Variants in SLC44A5 observed in about 807,000 individuals in gnomAD.
SLC44A5 encodes the protein choline transporter-like protein 5.
In SLC44A5, 57 loss-of-function variants were observed where a neutral mutation model predicts 101.8. The observed-to-expected ratio is 0.56, with a 90% confidence interval of 0.45 to 0.70. SLC44A5 has a LOEUF of 0.70. Ranked by LOEUF, SLC44A5 falls within the 30% of genes least tolerant of loss-of-function variation. The probability of loss-of-function intolerance (pLI) is 0.00; values close to 1 mark genes in which losing one functional copy is unlikely to be tolerated. For missense variants in SLC44A5, 737 were observed against 853.1 expected (o/e 0.86, Z 1.70); for synonymous variants, 281 against 290.9 (o/e 0.97, Z 0.35).
At chr1:75,510,941 G>T (rs1304894257) in intron 2 of SLC44A5, among the ~76,000 whole-genome samples, 1 of 152,180 alleles carries the variant, frequency 6.6e-6, no homozygotes, top group Non-Finnish European at 1.5e-5. Context: ...AGGAGATCGA[G>T]ACCATCCTGG....
rs1204998592 is a variant in SLC44A5, at chr1:75,302,104, G to GTTTTTTTT, written c.102-1420_102-1419insAAAAAAAA. On this transcript the variant is annotated intron_variant, in intron 4 of 23. Coordinates refer to ENST00000370859, the MANE Select transcript of SLC44A5 (RefSeq NM_001130058.2). ...ACAAGAGAAGAAAGCAGGTGCTCTA[G>GTTTTTTTT]TTTTTTTGTTTTTTTTTTTTTTTTT... Among the ~76,000 whole-genome samples, 90 of 49,594 alleles carry GTTTTTTTT rather than the reference G, an allele frequency of 1.8e-3. 10 individuals carry two copies. The highest frequency in any genetic ancestry group is 2.6e-3 in the Admixed American group (9 of 3,460). The allele number at this position is 49,594 out of a possible 152,430, so 32.5% of individuals were successfully genotyped here.
chr1:75,534,749 G>A lies in SLC44A5; in HGVS notation c.13+6686C>T, dbSNP rs211752. Reference sequence around the variant, plus strand: ...ATCAACTTTTTAAAGGTGACTTTTCGTTTATTAATGGCAAAGCATTTTAAG... The same window carrying A: ...ATCAACTTTTTAAAGGTGACTTTTCATTTATTAATGGCAAAGCATTTTAAG... On this transcript the variant is annotated intron_variant, in intron 2 of 23. Coordinates refer to ENST00000370859, the MANE Select transcript of SLC44A5 (RefSeq NM_001130058.2). Among the ~76,000 whole-genome samples the A allele has an allele frequency of 7.2e-5, 11 of 152,174 alleles. No individual in the cohort carries two copies. The East Asian group carries it at 1.2e-3, about 16-fold the overall frequency.
At chr1:75,279,947 T>C (rs1190234087) in intron 5 of SLC44A5, among the ~76,000 whole-genome samples, 2 of 151,506 alleles carry the variant, frequency 1.3e-5, no homozygotes, top group Non-Finnish European at 2.9e-5. Flanking sequence ...GTATCATTTG[T>C]ATGCTTTTGC....
At chr1:75,620,530 C>T in the SLC44A5 span, among the ~76,000 whole-genome samples, 6 of 152,110 alleles carry the variant, frequency 3.9e-5, no homozygotes, top group South Asian at 2.1e-4. Flanking sequence ...TTCTAACTGG[C>T]GTGAGCTGGT....
At chr1:75,647,302 C>G in the SLC44A5 span, among the ~76,000 whole-genome samples, 1 of 152,224 alleles carries the variant, frequency 6.6e-6, no homozygotes, top group Non-Finnish European at 1.5e-5. Flanking sequence ...GTTTGGGAAC[C>G]TCCACCTAAA....
intron 4 of SLC44A5, among the ~76,000 whole-genome samples, chr1:75,332,862 AT>A (rs1657153483): frequency 6.6e-6 from 1 of 152,228 alleles, no homozygotes; most frequent in African/African-American, 2.4e-5. Flanking sequence ...ATTCTTATAA[AT>A]TCTAAAGTGT....
At chr1:75,216,213 A>C (rs1375545909) in intron 18 of SLC44A5, among the ~76,000 whole-genome samples, 1 of 152,026 alleles carries the variant, frequency 6.6e-6, no homozygotes, top group Non-Finnish European at 1.5e-5. Flanking sequence ...AGGAGGAATC[A>C]TACAATATTT....
chr1:75,319,566 C>T (rs1042693783), intron 4 of SLC44A5, among the ~76,000 whole-genome samples: 27 of 152,172 alleles, frequency 1.8e-4, no homozygotes, highest in African/African-American at 6.3e-4. Flanking sequence ...AAGTCCAAGA[C>T]CCAAGTTCTG....
chr1:75,473,009 G>C (rs1889037), intron 2 of SLC44A5, among the ~76,000 whole-genome samples: 92,416 of 152,028 alleles, frequency 0.61, 29,762 homozygotes, highest in East Asian at 0.93. Context: ...GTTTTATGTT[G>C]CTAGTATTCC....
chr1:75,278,894 T>A (rs936675431), intron 5 of SLC44A5, among the ~76,000 whole-genome samples: 10 of 152,044 alleles, frequency 6.6e-5, no homozygotes, highest in Non-Finnish European at 1.5e-4. Context: ...GCAAAATAAC[T>A]TTTATTACTT....
At chr1:75,437,289 A>C (rs1161383106) in intron 2 of SLC44A5, among the ~76,000 whole-genome samples, 1 of 152,118 alleles carries the variant, frequency 6.6e-6, no homozygotes, top group Non-Finnish European at 1.5e-5. Flanking sequence ...CATCAACTCA[A>C]CTACAATATT....
chr1:75,208,056 G>T (rs1054662779), intron 23 of SLC44A5, among the ~76,000 whole-genome samples: 2 of 152,156 alleles, frequency 1.3e-5, no homozygotes, highest in Non-Finnish European at 2.9e-5. Context: ...ATTTGGATAA[G>T]CTGTAAAATG....
chr1:75,302,080 CAA>C (rs66962326), intron 4 of SLC44A5, among the ~76,000 whole-genome samples: 22,382 of 121,654 alleles, frequency 0.18, 1,975 homozygotes, highest in Middle Eastern at 0.41. Context: ...AGAATAATAA[CAA>C]GAGAAGAAAG....
chr1:75,389,929 A>T (rs570848071), intron 3 of SLC44A5, among the ~76,000 whole-genome samples: 6 of 152,230 alleles, frequency 3.9e-5, no homozygotes, highest in African/African-American at 1.4e-4. Context: ...TAGCTAGATT[A>T]AAAAAGAAAA....
intron 1 of SLC44A5, among the ~76,000 whole-genome samples, chr1:75,559,957 G>T (rs935799068): frequency 5.3e-5 from 8 of 152,108 alleles, no homozygotes; most frequent in Admixed American, 5.2e-4. Context: ...AGTCATTGGA[G>T]AAATGCAAGT....
At chr1:75,385,739 G>A (rs1661282552) in intron 3 of SLC44A5, among the ~76,000 whole-genome samples, 1 of 151,998 alleles carries the variant, frequency 6.6e-6, no homozygotes, top group South Asian at 2.1e-4. Flanking sequence ...ACCAAAGCCG[G>A]GCAGAGACAC....
chr1:75,229,017 C>T (rs566732464), intron 12 of SLC44A5, among the ~76,000 whole-genome samples: 24 of 151,860 alleles, frequency 1.6e-4, no homozygotes, highest in Non-Finnish European at 2.9e-4. Context: ...ATTCTTTGCT[C>T]ACTATGTTTT....
At chr1:75,217,482 G>A (rs1003763964) in intron 18 of SLC44A5, among the ~76,000 whole-genome samples, 9 of 152,082 alleles carry the variant, frequency 5.9e-5, no homozygotes, top group East Asian at 1.9e-4. Context: ...ATTTATGCCC[G>A]TGACACCCAC....
the SLC44A5 span, among the ~76,000 whole-genome samples, chr1:75,692,348 C>T: frequency 6.6e-6 from 1 of 151,974 alleles, no homozygotes; most frequent in Admixed American, 6.6e-5. Flanking sequence ...CATGTGCCAA[C>T]ATGCCCAGCT....
Sources: gnomAD v4.1 joint callset for allele counts (sites outside exome capture counted in the v4.1 genomes callset) on GRCh38, gnomAD v4.1.1 for gene constraint, MANE v1.5 for transcripts, NCBI Gene and HGNC (gene_info 2026-07-23, HGNC 2026-07-21) for gene names.